CRYBG1: variants seen among roughly 807,000 people sequenced by gnomAD.
CRYBG1 encodes the protein crystallin beta-gamma domain containing 1, also known as beta/gamma crystallin domain-containing protein 1.
In CRYBG1, 139 loss-of-function variants were observed where a neutral mutation model predicts 189.2. The ratio of observed to expected loss-of-function variants is 0.73; its 90% CI spans 0.64 to 0.85. The LOEUF (loss-of-function observed/expected upper bound fraction) is 0.85, where lower values mean the gene tolerates loss of function less well. CRYBG1 is among the 40% of genes least tolerant of loss of function. CRYBG1 has a pLI of 0.00. For missense variants in CRYBG1, 2,611 were observed against 2,675.8 expected (o/e 0.98, Z 0.53); for synonymous variants, 1,023 against 1,017.1 (o/e 1.01, Z -0.11).
chr6:106,544,810 T>C lies in CRYBG1; in HGVS notation c.5189T>C (p.Ile1730Thr). The change falls in exon 13 of 22, where the codon ATA (isoleucine) becomes ACA (threonine). Residue 1730 changes from isoleucine to threonine, a missense_variant. This residue lies in a region of CRYBG1 where 1,622 missense variants were observed against 1,735.0 expected (regional missense o/e 0.93). Coordinates refer to ENST00000633556, the MANE Select transcript of CRYBG1 (RefSeq NM_001371242.2). ...ILGDFSNAHM[I>T]MYSEKNFGSK... The stretch of plus-strand genomic sequence containing the variant: ...TAGGATTTTTCAAATGCTCACATGA[T>C]AATGTACAGTGAAAAAAACTTTGGA... The C allele has an allele frequency of 6.2e-7, 1 of 1,609,066 alleles. No homozygotes were observed. Among genetic ancestry groups the C allele is most frequent in the South Asian group, 1.1e-5 (1 of 89,902 alleles).
chr6:106,444,371 A>G lies in CRYBG1; in HGVS notation c.174-7323A>G, dbSNP rs77653607. Among the ~76,000 whole-genome samples the G allele has an allele frequency of 9.8e-3, 1,489 of 152,320 alleles. 29 individuals are homozygous for G. The highest frequency in any genetic ancestry group is 0.035 in the African/African-American group (1,444 of 41,556). Reference sequence around the variant, plus strand: ...GCTTCTCTAAATCAGAGCATGTGCAATCACGCGTGAAACACAATACTCTTG... The same window carrying G: ...GCTTCTCTAAATCAGAGCATGTGCAGTCACGCGTGAAACACAATACTCTTG... On this transcript the variant is annotated intron_variant, in intron 1 of 21. Transcript: ENST00000633556.
chr6:106,477,125 A>T (rs1269465643), intron 2 of CRYBG1, among the ~76,000 whole-genome samples: 1 of 152,200 alleles, frequency 6.6e-6, no homozygotes, highest in Non-Finnish European at 1.5e-5. Flanking sequence ...CTTTTTCAAG[A>T]TCAGTTCAGC....
rs180779311 is a variant in CRYBG1, at chr6:106,444,470, G to A, written c.174-7224G>A. 7.2e-4 allele frequency among the ~76,000 whole-genome samples: 110 copies of A among 152,256 alleles called. 1 individual carries two copies. The highest frequency in any genetic ancestry group is 2.5e-3 in the African/African-American group (103 of 41,554). On this transcript the variant is annotated intron_variant, in intron 1 of 21. Transcript: ENST00000633556. ...CCTGGGGATTTGCACAATTCTCCTG[G>A]TTGTTTGGTCCTCGGCCTTGGCTTC...
intron 2 of CRYBG1, among the ~76,000 whole-genome samples, chr6:106,455,264 C>G (rs963559968): frequency 1.3e-5 from 2 of 151,878 alleles, no homozygotes; most frequent in Non-Finnish European, 2.9e-5. Flanking sequence ...AAAAACATAT[C>G]ATGTATTATG....
intron 1 of CRYBG1, among the ~76,000 whole-genome samples, chr6:106,384,377 T>G (rs1770345661): frequency 6.6e-6 from 1 of 152,172 alleles, no homozygotes; most frequent in African/African-American, 2.4e-5. Context: ...TGCATTACAC[T>G]TATTGTGCAC....
At chr6:106,419,535 A>G (rs1308730884) in intron 1 of CRYBG1, among the ~76,000 whole-genome samples, 2 of 151,982 alleles carry the variant, frequency 1.3e-5, no homozygotes, top group African/African-American at 2.4e-5. Context: ...GGCACACACA[A>G]CTGTGCCAGG....
chr6:106,432,759 C>T (rs1771355166), intron 1 of CRYBG1, among the ~76,000 whole-genome samples: 1 of 152,194 alleles, frequency 6.6e-6, no homozygotes, highest in Non-Finnish European at 1.5e-5. Context: ...TCCATTAAAC[C>T]CCTGGGCTTT....
chr6:106,428,687 T>G (rs1273057176), intron 1 of CRYBG1, among the ~76,000 whole-genome samples: 1 of 152,182 alleles, frequency 6.6e-6, no homozygotes, highest in Non-Finnish European at 1.5e-5. Context: ...GAGTTGGCAT[T>G]TATGTAAGGT....
intron 3 of CRYBG1, 56 bp downstream of exon 3, chr6:106,513,095 C>A (rs913675704): frequency 4.5e-6 from 7 of 1,542,864 alleles, no homozygotes; most frequent in South Asian, 1.2e-5. Context: ...GCTGGGGGTC[C>A]GCTCTGAGAG....
chr6:106,478,388 T>A (rs891911989), intron 2 of CRYBG1, among the ~76,000 whole-genome samples: 1 of 152,208 alleles, frequency 6.6e-6, no homozygotes, highest in African/African-American at 2.4e-5. Flanking sequence ...TAGAAACTGA[T>A]GCATATACTG....
intron 8 of CRYBG1, among the ~76,000 whole-genome samples, chr6:106,536,032 C>CAT (rs1773996448): frequency 0.011 from 10 of 874 alleles, 5 homozygotes; most frequent in East Asian, 0.083. Flanking sequence ...GATCCACCCG[C>CAT]CTCGGCCTCC....
chr6:106,508,936 A>AT (rs1375462684), intron 2 of CRYBG1, among the ~76,000 whole-genome samples: 5 of 149,382 alleles, frequency 3.3e-5, no homozygotes, highest in African/African-American at 1.2e-4. Context: ...AAAAAAAAAA[A>AT]TTGTTTTAAT....
intron 2 of CRYBG1, among the ~76,000 whole-genome samples, chr6:106,506,446 C>CTTTTTTTTTTTTTTT (rs67154803): frequency 4.3e-5 from 3 of 69,920 alleles, no homozygotes; most frequent in Admixed American, 2.0e-4. Context: ...TTTCTTGTCA[C>CTTTTTTTTTTTTTTT]TTTTTTTTTT....
At chr6:106,374,988 GT>G (rs1054325622) in intron 1 of CRYBG1, among the ~76,000 whole-genome samples, 22 of 152,178 alleles carry the variant, frequency 1.4e-4, no homozygotes, top group African/African-American at 5.3e-4. Context: ...GTTTAGAATT[GT>G]TTTTATTTTG....
intron 1 of CRYBG1, among the ~76,000 whole-genome samples, chr6:106,446,998 A>T (rs1430300877): frequency 2.6e-5 from 4 of 152,252 alleles, no homozygotes; most frequent in Non-Finnish European, 4.4e-5. Context: ...TCTAAGTCTG[A>T]GTAAAATCAA....
intron 2 of CRYBG1, among the ~76,000 whole-genome samples, chr6:106,473,582 G>A (rs931850506): frequency 2.0e-5 from 3 of 152,106 alleles, no homozygotes; most frequent in African/African-American, 7.2e-5. Context: ...AGACAACAGG[G>A]GGGCAAAAGA....
intron 1 of CRYBG1, among the ~76,000 whole-genome samples, chr6:106,433,450 G>A (rs1443560987): frequency 6.6e-6 from 1 of 151,954 alleles, no homozygotes; most frequent in African/African-American, 2.4e-5. Context: ...GTCCTCCTGG[G>A]GTGAATGTTC....
At chr6:106,489,037 A>G (rs9373875) in intron 2 of CRYBG1, among the ~76,000 whole-genome samples, 18,706 of 152,176 alleles carry the variant, frequency 0.12, 1,339 homozygotes, top group East Asian at 0.27. Flanking sequence ...GCCTTCCTGC[A>G]GCAATGACTA....
chr6:106,525,104 T>C lies in CRYBG1; in HGVS notation c.4246-29T>C, dbSNP rs1044296457. The C allele has an allele frequency of 2.5e-6, 4 of 1,611,226 alleles. No homozygotes were observed. The African/African-American group carries it at 5.3e-5, about 22-fold the overall frequency. ...GATCGTTATGTGAAGTTGTAATTAT[T>C]TGTTGTGTTTTTGTTCATCTGATTG... On this transcript the variant is annotated intron_variant, in intron 4 of 21. Coordinates refer to ENST00000633556, the MANE Select transcript of CRYBG1 (RefSeq NM_001371242.2).
Sources: allele counts gnomAD v4.1 joint callset (sites outside exome capture counted in the v4.1 genomes callset), GRCh38; gene constraint gnomAD v4.1.1; regional missense constraint gnomAD v4.1.1; transcripts MANE v1.5; gene names NCBI Gene and HGNC (gene_info 2026-07-23, HGNC 2026-07-21).